The following MMP24 variants were observed in gnomAD, a reference collection of about 807,000 sequenced individuals.
The protein encoded by MMP24 is matrix metalloproteinase-24.
In MMP24, 25 loss-of-function variants were observed where a neutral mutation model predicts 62.8. That is an observed-to-expected ratio of 0.40 (90% CI 0.29 to 0.56). MMP24 has a LOEUF of 0.56. MMP24 is among the 20% of genes least tolerant of loss of function. The pLI is 0.50. For missense variants in MMP24, 634 were observed against 853.6 expected, an observed-to-expected ratio of 0.74 and a Z score of 3.21; for synonymous variants, 319 against 350.5, an observed-to-expected ratio of 0.91 and a Z score of 1.00.
chr20:35,235,540 T>TA (rs1287987069), intron 1 of MMP24, among the ~76,000 whole-genome samples: 1 of 151,782 alleles, frequency 6.6e-6, no homozygotes, highest in Non-Finnish European at 1.5e-5. Flanking sequence ...TACTAAAAAA[T>TA]ACAAAGAATT....
At chr20:35,236,643 C>T (rs544331140) in intron 1 of MMP24, among the ~76,000 whole-genome samples, 1 of 152,114 alleles carries the variant, frequency 6.6e-6, no homozygotes, top group Admixed American at 6.6e-5. Context: ...GCAGCAATAA[C>T]CAAACGTGGT....
chr20:35,232,991 A>AG (rs1315856266), intron 1 of MMP24, among the ~76,000 whole-genome samples: 56 of 152,260 alleles, frequency 3.7e-4, no homozygotes, highest in African/African-American at 1.3e-3. Flanking sequence ...TTAGGGCTCA[A>AG]GTGACCCGCC....
intron 1 of MMP24, among the ~76,000 whole-genome samples, chr20:35,233,177 T>C (rs1294154150): frequency 6.6e-6 from 1 of 152,168 alleles, no homozygotes; most frequent in Non-Finnish European, 1.5e-5. Context: ...CATATGTATG[T>C]ATAAAGATCA....
At chr20:35,273,183 A>G (rs1035931152) in intron 8 of MMP24, among the ~76,000 whole-genome samples, 8 of 151,206 alleles carry the variant, frequency 5.3e-5, no homozygotes, top group African/African-American at 1.9e-4. Flanking sequence ...ACTTGAGGCC[A>G]GGAGTTCGAG....
intron 4 of MMP24, among the ~76,000 whole-genome samples, chr20:35,260,074 C>A (rs567128461): frequency 6.6e-6 from 1 of 152,274 alleles, no homozygotes; most frequent in East Asian, 1.9e-4. Flanking sequence ...GCTTCCCTGC[C>A]GCTCACCCTC....
intron 1 of MMP24, among the ~76,000 whole-genome samples, chr20:35,245,637 C>A (rs906970553): frequency 6.6e-6 from 1 of 151,604 alleles, no homozygotes; most frequent in African/African-American, 2.4e-5. Context: ...TTAGTAGAGA[C>A]GAGGTTTCAT....
intron 1 of MMP24, among the ~76,000 whole-genome samples, chr20:35,244,801 C>T (rs1245600510): frequency 6.6e-6 from 1 of 151,104 alleles, no homozygotes; most frequent in Non-Finnish European, 1.5e-5. Context: ...TTCACCCAAG[C>T]TTCTTTCAGA....
chr20:35,256,459 C>T (rs984509345), intron 4 of MMP24: 7 of 152,214 alleles, frequency 4.6e-5, no homozygotes, highest in African/African-American at 1.4e-4. Flanking sequence ...GTGGATCACA[C>T]CTGTAATCCC....
At chr20:35,259,826 C>T (rs2060593374) in intron 4 of MMP24, among the ~76,000 whole-genome samples, 1 of 152,146 alleles carries the variant, frequency 6.6e-6, no homozygotes, top group Non-Finnish European at 1.5e-5. Context: ...TGCTGGTGCT[C>T]ACACACAGCT....
intron 4 of MMP24, chr20:35,256,299 A>G (rs1269108819): frequency 6.6e-6 from 1 of 152,240 alleles, no homozygotes; most frequent in African/African-American, 2.4e-5. Context: ...CAGTTGGTGA[A>G]TGGTGAAATA....
At chr20:35,246,291 A>G (rs1399721219) in intron 1 of MMP24, among the ~76,000 whole-genome samples, 2 of 72,702 alleles carry the variant, frequency 2.8e-5, no homozygotes, top group Admixed American at 2.3e-4. Flanking sequence ...TGTCTCTACT[A>G]AAAAAAAAAA....
Position 35,269,768 on chromosome 20 carries a change from G to A in MMP24, c.1203G>A (p.Trp401Ter). ...CTCCCGCTTCCTCCCAGGATCGCTG[G>A]TTCTGGCGTCTGCGCAATAACCGAG... ...RGEMFVFKDR[W>*]FWRLRNNRVQ... The change falls in exon 7 of 9, where the codon TGG becomes TGA. Residue 401 changes from tryptophan (W) to a stop codon, truncating the protein, a stop_gained. Coordinates refer to ENST00000246186, the MANE Select transcript of MMP24 (RefSeq NM_006690.4). LOFTEE classifies it high-confidence loss of function. This position sits in a 1 kb window ranked among gnomAD's most constrained non-coding sequence, Gnocchi z 4.6. 1 of 1,571,522 alleles carries A rather than the reference G, an allele frequency of 6.4e-7. No homozygotes were observed. The highest frequency in any genetic ancestry group is 8.6e-7 in the Non-Finnish European group (1 of 1,158,626).
chr20:35,260,547 G>A (rs558266265), intron 4 of MMP24, among the ~76,000 whole-genome samples: 4 of 152,222 alleles, frequency 2.6e-5, no homozygotes, highest in Non-Finnish European at 5.9e-5. Flanking sequence ...GCCAGGACTG[G>A]ACCCCAGGAA....
At position 35,271,919 on chromosome 20, in the gene MMP24, A is replaced by G. The variant is rs2060672473; in HGVS notation, c.1600+84A>G. ...GTGCCCACGGGCATACTCAGTGCCC[A>G]TGGGCGTCCAGGTTTGAAAAAACAC... On this transcript the variant is annotated intron_variant, in intron 8 of 8. Coordinates refer to ENST00000246186, the MANE Select transcript of MMP24 (RefSeq NM_006690.4). This position sits in a 1 kb window ranked among gnomAD's most constrained non-coding sequence, Gnocchi z 4.0. The G allele has an allele frequency of 1.4e-6, 2 of 1,419,256 alleles. No homozygotes were observed. Among genetic ancestry groups the G allele is most frequent in the South Asian group, 1.4e-5 (1 of 69,702 alleles). 87.9% of individuals were successfully genotyped at this position (1,419,256 alleles called of 1,614,324 possible).
intron 1 of MMP24, among the ~76,000 whole-genome samples, chr20:35,228,867 G>T (rs1219949916): frequency 6.6e-6 from 1 of 152,102 alleles, no homozygotes; most frequent in Non-Finnish European, 1.5e-5. Context: ...ATTTTCAATA[G>T]ATGTCAACTT....
chr20:35,267,799 T>A (rs1175056622), intron 6 of MMP24: 1 of 281,630 alleles, frequency 3.6e-6, no homozygotes, highest in Non-Finnish European at 6.9e-6. Context: ...GATGGTCAAC[T>A]TGGAGTAGGG....
chr20:35,274,616 C>T lies in MMP24; in HGVS notation c.*7C>T, dbSNP rs1367726846. 6.3e-7 allele frequency: 1 copy of T among 1,591,812 alleles called. No individual in the cohort carries two copies. The highest frequency in any genetic ancestry group is 1.1e-5 in the South Asian group (1 of 88,278). On this transcript the variant is annotated 3_prime_UTR_variant, in exon 9 of 9. Coordinates refer to ENST00000246186, the MANE Select transcript of MMP24 (RefSeq NM_006690.4). This position sits in a 1 kb window ranked among gnomAD's most constrained non-coding sequence, Gnocchi z 5.1. ...AGTCCAGGAATGGGTGTGAGCAGCCCAGAGCCCTCTCTATCCACTTGGTCT... is the reference window on the plus strand; with the variant it reads ...AGTCCAGGAATGGGTGTGAGCAGCCTAGAGCCCTCTCTATCCACTTGGTCT...
chr20:35,274,366 C>T lies in MMP24; in HGVS notation c.1695C>T (p.Asp565=). The T allele has an allele frequency of 6.2e-7, 1 of 1,613,976 alleles. No homozygotes were observed. Among genetic ancestry groups the T allele is most frequent in the Non-Finnish European group, 8.5e-7 (1 of 1,179,892 alleles). Residue 565 remains aspartate (D), a synonymous_variant, in exon 9 of 9, where the codon GAC becomes GAT. Transcript: ENST00000246186. The surrounding 1 kb of genome is among the most constrained non-coding windows in gnomAD (Gnocchi z 5.1). ...GCTACCCGCGCAACATCCTGCGTGACTGGATGGGCTGCAACCAGAAGGAGG... is the reference window on the plus strand; with the variant it reads ...GCTACCCGCGCAACATCCTGCGTGATTGGATGGGCTGCAACCAGAAGGAGG... ...EPGYPRNILR[D]WMGCNQKEVE...
chr20:35,274,305 G>A lies in MMP24; in HGVS notation c.1634G>A (p.Trp545Ter). 6.2e-7 allele frequency: 1 copy of A among 1,613,114 alleles called. No individual in the cohort carries two copies. The highest frequency in any genetic ancestry group is 8.5e-7 in the Non-Finnish European group (1 of 1,179,812). ...TATTTCTACAAGGGCCGGGACTACTGGAAGTTTGACAACCAGAAACTGAGC... is the reference window on the plus strand; with the variant it reads ...TATTTCTACAAGGGCCGGGACTACTAGAAGTTTGACAACCAGAAACTGAGC... ...YTYFYKGRDY[W>*]KFDNQKLSVE... is the part of the protein sequence containing the mutation. Residue 545 changes from tryptophan to a stop codon, truncating the protein, a stop_gained, in exon 9 of 9, where the codon TGG (tryptophan) becomes TAG (stop). Transcript: ENST00000246186. LOFTEE classifies it high-confidence loss of function. This position sits in a 1 kb window ranked among gnomAD's most constrained non-coding sequence, Gnocchi z 5.1.
Sources: allele counts gnomAD v4.1 joint callset (sites outside exome capture counted in the v4.1 genomes callset), GRCh38; gene constraint gnomAD v4.1.1; non-coding constraint Gnocchi (gnomAD v3.1); transcripts MANE v1.5; gene names NCBI Gene and HGNC (gene_info 2026-07-23, HGNC 2026-07-21).